CDH4: variants seen among roughly 807,000 people sequenced by gnomAD.
CDH4 encodes the protein cadherin 4, also known as cadherin-4.
In CDH4, 33 loss-of-function variants were observed where a neutral mutation model predicts 86.0. The observed-to-expected ratio is 0.38, with a 90% CI of 0.29 to 0.51. The LOEUF (loss-of-function observed/expected upper bound fraction) is 0.51. Ranked by LOEUF, CDH4 falls within the 20% of genes least tolerant of loss-of-function variation. The pLI, the probability that CDH4 is intolerant of heterozygous loss-of-function variation, is 0.86. For synonymous variants in CDH4, 555 were observed against 549.4 expected (o/e 1.01, Z -0.14); for missense variants, 1,114 against 1,307.4 (o/e 0.85, Z 2.28).
At position 61,754,317 on chromosome 20, in the gene CDH4, G is replaced by A. The variant is rs903090607; in HGVS notation, c.396+10528G>A. On this transcript the variant is annotated intron_variant, in intron 3 of 15. Coordinates refer to ENST00000614565, the MANE Select transcript of CDH4 (RefSeq NM_001794.5). This position sits in a 1 kb window ranked among gnomAD's most constrained non-coding sequence, Gnocchi z 4.7. ...AGACCCCAAGGCATCCCCGAAGGCA[G>A]GGAGGAGTGTCCCCAGCCAGGGGTC... is the stretch of plus-strand genomic sequence containing the variant. 1.4e-4 allele frequency among the ~76,000 whole-genome samples: 22 copies of A among 152,178 alleles called. No homozygotes were observed. Among genetic ancestry groups the A allele is most frequent in the African/African-American group, 5.1e-4 (21 of 41,442 alleles).
intron 2 of CDH4, among the ~76,000 whole-genome samples, chr20:61,477,453 A>G (rs2085544370): frequency 2.6e-5 from 4 of 152,374 alleles, no homozygotes; most frequent in Non-Finnish European, 5.9e-5. Context: ...AGGAACCAGC[A>G]GAAACGAAGT....
intron 2 of CDH4, among the ~76,000 whole-genome samples, chr20:61,512,121 C>T (rs1445153947): frequency 1.3e-5 from 2 of 152,160 alleles, no homozygotes; most frequent in South Asian, 4.1e-4. Context: ...CTTAAGGATG[C>T]TGAGTAGTAA....
At chr20:61,314,785 G>A (rs1017935132) in intron 2 of CDH4, among the ~76,000 whole-genome samples, 11 of 152,164 alleles carry the variant, frequency 7.2e-5, no homozygotes, top group Non-Finnish European at 1.5e-4. Flanking sequence ...CGTCCTCACC[G>A]AGGCTTGTTA....
At chr20:61,814,595 C>A (rs547688877) in intron 4 of CDH4, among the ~76,000 whole-genome samples, 1 of 152,330 alleles carries the variant, frequency 6.6e-6, no homozygotes, top group African/African-American at 2.4e-5. Context: ...TGCTTTGCAG[C>A]GATGTGGAAA....
At chr20:61,919,836 C>T (rs974571317) in intron 9 of CDH4, among the ~76,000 whole-genome samples, 18 of 68,436 alleles carry the variant, frequency 2.6e-4, no homozygotes, top group Middle Eastern at 0.021. Context: ...TGCATGGAAG[C>T]GTGTGATTGT....
At chr20:61,484,671 G>A (rs2085586233) in intron 2 of CDH4, among the ~76,000 whole-genome samples, 1 of 152,222 alleles carries the variant, frequency 6.6e-6, no homozygotes, top group Admixed American at 6.5e-5. Context: ...GCACCCTGGG[G>A]AGAAGGTACC....
intron 2 of CDH4, among the ~76,000 whole-genome samples, chr20:61,588,395 C>T (rs1382938127): frequency 1.3e-5 from 2 of 152,154 alleles, no homozygotes; most frequent in Admixed American, 6.5e-5. Flanking sequence ...GGCACAAGGC[C>T]GATTATTTCT....
At chr20:61,761,072 G>C (rs898238606) in intron 3 of CDH4, among the ~76,000 whole-genome samples, 2 of 152,124 alleles carry the variant, frequency 1.3e-5, no homozygotes, top group Non-Finnish European at 2.9e-5. Context: ...ACATGTTTTC[G>C]GGGAAGCAAA....
At position 61,623,489 on chromosome 20, in the gene CDH4, A is replaced by G. The variant is rs1479142330; in HGVS notation, c.170-120074A>G. ...AGCCTTCAGAAATACCATTACAATGAAAACAATTTCAAGAGCAAATTGAAT... is the reference window on the plus strand; with the variant it reads ...AGCCTTCAGAAATACCATTACAATGGAAACAATTTCAAGAGCAAATTGAAT... On this transcript the variant is annotated intron_variant, in intron 2 of 15. Transcript: ENST00000614565. This position sits in a 1 kb window ranked among gnomAD's most constrained non-coding sequence, Gnocchi z 4.4. Among the ~76,000 whole-genome samples, 1 of 152,230 alleles carries G rather than the reference A, an allele frequency of 6.6e-6. No homozygotes were observed. Among genetic ancestry groups the G allele is most frequent in the Non-Finnish European group, 1.5e-5 (1 of 68,040 alleles).
At chr20:61,756,294 C>A (rs1488146680) in intron 3 of CDH4, among the ~76,000 whole-genome samples, 1 of 152,194 alleles carries the variant, frequency 6.6e-6, no homozygotes, top group Admixed American at 6.5e-5. Flanking sequence ...CATTTGTATG[C>A]TGGGGGCTGT....
intron 2 of CDH4, among the ~76,000 whole-genome samples, chr20:61,515,836 A>T (rs1302327810): frequency 6.6e-6 from 1 of 151,564 alleles, no homozygotes; most frequent in East Asian, 1.9e-4. Context: ...GCTCTCTCTC[A>T]CTCTGCTCTT....
chr20:61,273,301 T>C (rs2084196364), intron 2 of CDH4, among the ~76,000 whole-genome samples: 1 of 129,730 alleles, frequency 7.7e-6, no homozygotes, highest in African/African-American at 3.0e-5. Context: ...AAGTACCATG[T>C]GCAGTTTGGG....
intron 2 of CDH4, among the ~76,000 whole-genome samples, chr20:61,563,708 C>T (rs2086240195): frequency 6.6e-6 from 1 of 152,222 alleles, no homozygotes; most frequent in Admixed American, 6.5e-5. Context: ...AGCTGAAGTG[C>T]CTGGCACCCC....
intron 2 of CDH4, among the ~76,000 whole-genome samples, chr20:61,736,793 G>A (rs552712964): frequency 6.6e-6 from 1 of 152,260 alleles, no homozygotes; most frequent in East Asian, 1.9e-4. Flanking sequence ...GCCATCATGA[G>A]GTCACCCGGG....
chr20:61,527,705 G>GGA (rs1454378862), intron 2 of CDH4, among the ~76,000 whole-genome samples: 3 of 152,134 alleles, frequency 2.0e-5, no homozygotes, highest in African/African-American at 7.2e-5. Context: ...TAAAAGATGG[G>GGA]GAGAGGGTCC....
At chr20:61,923,198 C>A (rs73917143) in intron 9 of CDH4, among the ~76,000 whole-genome samples, 9,562 of 152,308 alleles carry the variant, frequency 0.063, 600 homozygotes, top group East Asian at 0.23. Flanking sequence ...CTGCCTCAGC[C>A]CAGCATGGGA....
intron 2 of CDH4, among the ~76,000 whole-genome samples, chr20:61,343,447 A>C (rs2084659457): frequency 6.6e-6 from 1 of 152,238 alleles, no homozygotes; most frequent in South Asian, 2.1e-4. Flanking sequence ...GTGTGTGTGC[A>C]TGGGTGTCTG....
intron 2 of CDH4, chr20:61,719,576 GC>G (rs1442367473): frequency 5.4e-6 from 1 of 183,500 alleles, no homozygotes; most frequent in East Asian, 1.4e-4. Flanking sequence ...AATCACAAAA[GC>G]CTTTAGAGTT....
chr20:61,441,178 A>G (rs930497992), intron 2 of CDH4, among the ~76,000 whole-genome samples: 2 of 152,138 alleles, frequency 1.3e-5, no homozygotes, highest in African/African-American at 4.8e-5. Flanking sequence ...AGCGTCCAAC[A>G]CCGGCCCTGC....
Sources: allele counts gnomAD v4.1 joint callset (sites outside exome capture counted in the v4.1 genomes callset), GRCh38; gene constraint gnomAD v4.1.1; non-coding constraint Gnocchi (gnomAD v3.1); transcripts MANE v1.5; gene names NCBI Gene and HGNC (gene_info 2026-07-23, HGNC 2026-07-21).